Variants in TSR1 observed in about 807,000 individuals in gnomAD.
TSR1 encodes TSR1 ribosome maturation factor.
A neutral mutation model predicts 90.9 loss-of-function variants in TSR1; 81 were observed. The observed-to-expected ratio is 0.89, with a 90% CI of 0.74 to 1.07. The LOEUF is 1.07. Among genes scored for constraint, TSR1 ranks in the 50% least tolerant of loss-of-function variants. The pLI is 0.00. For synonymous variants in TSR1, 362 were observed against 348.8 expected, an observed-to-expected ratio of 1.04 and a Z score of -0.42; for missense variants, 989 against 987.3, an observed-to-expected ratio of 1.00 and a Z score of -0.02.
intron 9 of TSR1, 131 bp from the exon 10 acceptor site, chr17:2,330,756 C>T: frequency 1.8e-6 from 2 of 1,111,822 alleles, no homozygotes; most frequent in Non-Finnish European, 1.3e-6. Context: ...CAAGATGCTT[C>T]ATTTACCCAG....
Position 2,323,783 on chromosome 17 carries a change from G to A in TSR1, c.*413C>T. On this transcript the variant is annotated 3_prime_UTR_variant, in exon 15 of 15. Transcript: ENST00000301364. ...CAGAAGTAAAGAACATTTGTATTGTGCTCAGTGGTGGAAATGTAGACTTAA... is the reference window on the plus strand; with the variant it reads ...CAGAAGTAAAGAACATTTGTATTGTACTCAGTGGTGGAAATGTAGACTTAA... 6.2e-7 allele frequency: 1 copy of A among 1,614,180 alleles called. No homozygotes were observed. The highest frequency in any genetic ancestry group is 1.7e-5 in the Admixed American group (1 of 60,020).
chr17:2,336,201 C>CCT, intron 1 of TSR1, 61 bp from the exon 2 acceptor site: 3 of 1,600,774 alleles, frequency 1.9e-6, no homozygotes, highest in Non-Finnish European at 2.6e-6. Context: ...AAAAGGGACT[C>CCT]CTCTCCGCCC....
chr17:2,332,317 T>C lies in TSR1; in HGVS notation c.1348A>G (p.Ile450Val), dbSNP rs1293816708. The change falls in exon 8 of 15, where the codon ATT becomes GTT. Residue 450 changes from isoleucine (I) to valine (V), a missense_variant. Transcript: ENST00000301364. The part of the protein sequence containing the change: ...EEEEEYETMT[I>V]GESVHDDLYD... ...AGATCATCATGCACAGACTCCCCAA[T>C]AGTCATAGTTTCATATTCTTCCTCT... The C allele has an allele frequency of 4.4e-6, 7 of 1,609,040 alleles. No individual in the cohort carries two copies. Among genetic ancestry groups the C allele is most frequent in the Non-Finnish European group, 5.1e-6 (6 of 1,178,896 alleles).
chr17:2,324,387 C>T lies in TSR1; in HGVS notation c.2237-13G>A. On this transcript the variant is annotated splice_polypyrimidine_tract_variant and intron_variant, in intron 14 of 14. Transcript: ENST00000301364. ...TGGCCATGGGTACCTAGAAAGACAT[C>T]AGAACAAGTCGGTCAAATTAAAAGT... is the stretch of plus-strand genomic sequence containing the variant. 1 of 1,583,106 alleles carries T rather than the reference C, an allele frequency of 6.3e-7. No homozygotes were observed. Among genetic ancestry groups the T allele is most frequent in the Non-Finnish European group, 8.6e-7 (1 of 1,166,588 alleles).
At position 2,322,887 on chromosome 17, in the gene TSR1, C is replaced by A. The variant is rs2075544706; in HGVS notation, c.*1309G>T. ...TCAAGTGATTCTCCTACCTCAGCCT[C>A]TTGAGTAGCTGGGATTACAGGGGTC... is the stretch of plus-strand genomic sequence containing the variant. On this transcript the variant is annotated 3_prime_UTR_variant, in exon 15 of 15. Transcript: ENST00000301364. 4.5e-6 allele frequency: 2 copies of A among 444,870 alleles called. No homozygotes were observed. The highest frequency in any genetic ancestry group is 7.0e-5 in the Admixed American group (2 of 28,564). The allele number at this position is 444,870 out of a possible 1,614,324, so 27.6% of individuals were successfully genotyped here. A position where few individuals can be genotyped will look rare whatever the true frequency, so the allele number is the denominator to read the frequency against.
chr17:2,325,310 T>C lies in TSR1; in HGVS notation c.2014A>G (p.Ser672Gly), dbSNP rs755791510. 2 of 1,610,680 alleles carry C rather than the reference T, an allele frequency of 1.2e-6. No homozygotes were observed. The highest frequency in any genetic ancestry group is 4.5e-5 in the East Asian group (2 of 44,772). Residue 672 changes from serine (S) to glycine (G), a missense_variant, in exon 12 of 15, where the codon AGC becomes GGC. Physicochemically the swap from Ser to Gly is moderately conservative, Grantham distance 56. Transcript: ENST00000301364. ...TCTCTGTGGCTCAACTTACCATTGC[T>C]TTTTTGCTTGAAAAGCAGCACAGAT... ...PASVLLFKQK[S>G]NGMHSLIATG...
chr17:2,333,317 G>A (rs1385535405), intron 6 of TSR1, 193 bp from the exon 7 acceptor site: 2 of 851,122 alleles, frequency 2.3e-6, no homozygotes, highest in Non-Finnish European at 3.9e-6. Context: ...AATAAGCCCT[G>A]CAATGAATCC....
chr17:2,328,571 G>A (rs563629324), intron 11 of TSR1, among the ~76,000 whole-genome samples: 26 of 146,864 alleles, frequency 1.8e-4, no homozygotes, highest in South Asian at 1.3e-3. Context: ...CCTGGGCAAC[G>A]GAGTAAGACT....
intron 9 of TSR1, among the ~76,000 whole-genome samples, 157 bp downstream of exon 9, chr17:2,330,790 G>A (rs1341810264): frequency 6.6e-6 from 1 of 152,080 alleles, no homozygotes; most frequent in Non-Finnish European, 1.5e-5. Context: ...ATTTAACATA[G>A]CTGATACCTC....
At chr17:2,332,086 G>T in intron 8 of TSR1, 83 bp downstream of exon 8, 1 of 1,487,702 alleles carries the variant, frequency 6.7e-7, no homozygotes, top group Non-Finnish European at 9.1e-7. Context: ...TTCTTCTTTT[G>T]CATCACAGTG....
intron 1 of TSR1, 66 bp from the exon 2 acceptor site, chr17:2,336,206 C>T: frequency 6.2e-7 from 1 of 1,600,688 alleles, no homozygotes; most frequent in Admixed American, 1.7e-5. Context: ...GGACTCCTCT[C>T]CGCCCACCTT....
At chr17:2,333,423 G>T in intron 6 of TSR1, 134 bp downstream of exon 6, 1 of 1,061,670 alleles carries the variant, frequency 9.4e-7, no homozygotes, top group Non-Finnish European at 1.4e-6. Context: ...AAAACATACA[G>T]CATTTGAGGG....
chr17:2,333,636 G>C lies in TSR1; in HGVS notation c.1062C>G (p.Ser354=), dbSNP rs775556556. The C allele has an allele frequency of 6.2e-7, 1 of 1,614,078 alleles. No homozygotes were observed. The change falls in exon 6 of 15, where the codon TCC becomes TCG. Residue 354 remains serine (S), a synonymous_variant. Coordinates refer to ENST00000301364, the MANE Select transcript of TSR1 (RefSeq NM_018128.5). ...LMKADPGRQE[S]LQAEVIPDPM... ...GATCTGGGATAACCTCTGCTTGCAA[G>C]GATTCCTGTCTACCAGGGTCTGCCT...
intron 3 of TSR1, 40 bp downstream of exon 3, chr17:2,335,470 AC>A (rs2064052466): frequency 6.3e-7 from 1 of 1,582,366 alleles, no homozygotes; most frequent in Non-Finnish European, 8.6e-7. Context: ...AAAAAATACC[AC>A]TACTCAAACA....
intron 4 of TSR1, 91 bp downstream of exon 4, chr17:2,335,169 T>C: frequency 7.3e-7 from 1 of 1,368,250 alleles, no homozygotes; most frequent in South Asian, 1.3e-5. Context: ...CACCACCAGC[T>C]GAATATGATC....
rs1484153175 is a variant in TSR1 at position 2,323,971 on chromosome 17, G to C, written c.*225C>G. 2 of 1,207,780 alleles carry C rather than the reference G, an allele frequency of 1.7e-6. No homozygotes were observed. The highest frequency in any genetic ancestry group is 2.3e-6 in the Non-Finnish European group (2 of 860,766). The allele number at this position is 1,207,780 out of a possible 1,614,324, so 74.8% of individuals were successfully genotyped here. A position where few individuals can be genotyped will look rare whatever the true frequency, so the allele number is the denominator to read the frequency against. Reference sequence around the variant, plus strand: ...ACTCTTAGTTATCAGATTCTTAATGGAGAGTGGCTATTTCATTAAGATTTA... The same window carrying C: ...ACTCTTAGTTATCAGATTCTTAATGCAGAGTGGCTATTTCATTAAGATTTA... On this transcript the variant is annotated 3_prime_UTR_variant, in exon 15 of 15. Transcript: ENST00000301364.
intron 8 of TSR1, 54 bp downstream of exon 8, chr17:2,332,115 T>C: frequency 4.4e-6 from 7 of 1,585,484 alleles, no homozygotes; most frequent in Non-Finnish European, 6.0e-6. Context: ...CTGAGCCAAG[T>C]TTTTAAAAAC....
At chr17:2,329,285 C>T (rs2075592003) in intron 11 of TSR1, 58 bp downstream of exon 11, 1 of 1,611,554 alleles carries the variant, frequency 6.2e-7, no homozygotes, top group Non-Finnish European at 8.5e-7. Flanking sequence ...ACCCCTCCAC[C>T]ACAAGTCACT....
Position 2,330,081 on chromosome 17 carries a change from G to A in TSR1, c.1770+434C>T, listed in dbSNP as rs373601922. The A allele has an allele frequency of 4.7e-5, 15 of 316,536 alleles. No homozygotes were observed. The East Asian group carries it at 1.1e-3, about 23-fold the overall frequency. The allele number at this position is 316,536 out of a possible 1,614,324, so 19.6% of individuals were successfully genotyped here. ...ATTACAGGCATGTGCCACCACGCCTGGCTAATTTTGTATTTTTGGTAGAGA... is the reference window on the plus strand; with the variant it reads ...ATTACAGGCATGTGCCACCACGCCTAGCTAATTTTGTATTTTTGGTAGAGA... On this transcript the variant is annotated intron_variant, in intron 10 of 14. Coordinates refer to ENST00000301364, the MANE Select transcript of TSR1 (RefSeq NM_018128.5).
Sources: gnomAD v4.1 joint callset for allele counts (sites outside exome capture counted in the v4.1 genomes callset) on GRCh38, gnomAD v4.1.1 for gene constraint, MANE v1.5 for transcripts, NCBI Gene and HGNC (gene_info 2026-07-23, HGNC 2026-07-21) for gene names.